PKD1: variants seen among roughly 807,000 people sequenced by gnomAD.
PKD1 encodes the protein polycystin-1.
A neutral mutation model predicts 361.7 loss-of-function variants in PKD1; 81 were observed. That is an observed-to-expected ratio of 0.22 (90% confidence interval 0.19 to 0.27). The LOEUF is 0.27. Ranked by LOEUF, PKD1 falls within the 10% of genes least tolerant of loss-of-function variation. The pLI, the probability that PKD1 is intolerant of heterozygous loss-of-function variation, is 1.00. For synonymous variants in PKD1, 3,615 were observed against 2,818.3 expected (o/e 1.28, Z -8.95); for missense variants, 6,399 against 6,118.3 (o/e 1.05, Z -1.53).
Position 2,097,756 on chromosome 16 carries a change from T to C in PKD1, c.10192A>G (p.Ser3398Gly). The stretch of plus-strand genomic sequence containing the variant: ...TTAGAATCATCCAGAAACAAGTCAC[T>C]CTTCATCTGTCCAACAAAGGCCTGC... ...AEQAFVGQMKSDLFLDDSKSL... is the reference protein window; with the variant it reads ...AEQAFVGQMKGDLFLDDSKSL... Residue 3398 changes from serine (S) to glycine (G), a missense_variant, in exon 32 of 46, where the codon AGT becomes GGT. Ser to Gly is a moderately conservative substitution (Grantham distance 56, BLOSUM62 0). Transcript: ENST00000262304. 6.2e-7 allele frequency: 1 copy of C among 1,611,302 alleles called. No individual in the cohort carries two copies. The highest frequency in any genetic ancestry group is 1.7e-5 in the Admixed American group (1 of 60,018).
intron 21 of PKD1, 23 bp downstream of exon 21, chr16:2,105,299 G>A (rs750135054): frequency 2.5e-6 from 4 of 1,593,276 alleles, no homozygotes; most frequent in South Asian, 1.1e-5. Context: ...GCGGGGCAGG[G>A]TGAGCAGGTG....
Position 2,117,773 on chromosome 16 carries a change from T to TG in PKD1, c.1201+17dup. The TG allele has an allele frequency of 9.4e-7, 1 of 1,058,432 alleles. No individual in the cohort carries two copies. Among genetic ancestry groups the TG allele is most frequent in the East Asian group, 2.6e-5 (1 of 38,482 alleles). 65.6% of individuals were successfully genotyped at this position (1,058,432 alleles called of 1,614,324 possible). A position where few individuals can be genotyped will look rare whatever the true frequency, so the allele number is the denominator to read the frequency against. ...GGATGGCCCTGGGGAGGAAGGGGAGTGGGCAGCAGACACTCACCTCGGGCC... is the reference window on the plus strand; with the variant it reads ...GGATGGCCCTGGGGAGGAAGGGGAGTGGGGCAGCAGACACTCACCTCGGGCC... On this transcript the variant is annotated intron_variant, in intron 5 of 45. Coordinates refer to ENST00000262304, the MANE Select transcript of PKD1 (RefSeq NM_001009944.3).
At chr16:2,101,604 T>TGA (rs1358088991) in intron 26 of PKD1, among the ~76,000 whole-genome samples, 4 of 151,954 alleles carry the variant, frequency 2.6e-5, no homozygotes, top group Non-Finnish European at 4.4e-5. Flanking sequence ...GGCAACAGAG[T>TGA]GAGACTCCGT....
chr16:2,099,743 C>T lies in PKD1; in HGVS notation c.9951G>A (p.Pro3317=), dbSNP rs1244281538. The part of the protein sequence containing the change: ...YSTGHVSRLS[P]LSVDTVAVGL... The stretch of plus-strand genomic sequence containing the variant: ...CAACAGCGACTGTGTCGACGCTCAG[C>T]GGGCTCAGCCTGGACACATGCCCCG... Residue 3317 remains proline, a synonymous_variant, in exon 30 of 46, where the codon CCG becomes CCA. Transcript: ENST00000262304. 6 of 1,559,022 alleles carry T rather than the reference C, an allele frequency of 3.8e-6. No individual in the cohort carries two copies. The highest frequency in any genetic ancestry group is 3.5e-5 in the South Asian group (3 of 85,756).
At position 2,091,378 on chromosome 16, in the gene PKD1, A is replaced by T. The variant is rs1808329461; in HGVS notation, c.11712+45T>A. On this transcript the variant is annotated intron_variant, in intron 42 of 45. Coordinates refer to ENST00000262304, the MANE Select transcript of PKD1 (RefSeq NM_001009944.3). ...GGGCGGGGCCCCGCGAGGGGGCGGG[A>T]CGCTGCCGGTGGGAGGCGCGGGGTC... 15 of 1,046,144 alleles carry T rather than the reference A, an allele frequency of 1.4e-5. 1 individual carries two copies. Among genetic ancestry groups the T allele is most frequent in the Non-Finnish European group, 1.6e-5 (14 of 862,352 alleles). 64.8% of individuals were successfully genotyped at this position (1,046,144 alleles called of 1,614,324 possible).
intron 30 of PKD1, chr16:2,099,284 G>A: frequency 2.7e-6 from 1 of 365,372 alleles, no homozygotes. Flanking sequence ...CGTTTCTAAG[G>A]GACTAACTCA....
chr16:2,091,648 G>T, intron 41 of PKD1, 51 bp from the exon 42 acceptor site: 1 of 1,555,348 alleles, frequency 6.4e-7, no homozygotes, highest in Non-Finnish European at 8.6e-7. Flanking sequence ...CGGGAGCTGC[G>T]GGGACCGCGC....
chr16:2,097,324 G>A lies in PKD1; in HGVS notation c.10400C>T (p.Ala3467Val), dbSNP rs144590217. 2.1e-4 allele frequency: 346 copies of A among 1,612,904 alleles called. No homozygotes were observed. The African/African-American group carries it at 4.1e-3, about 19-fold the overall frequency. ...CTCCTCTCACCCCAGCTCACCTGAT[G>A]CTGAGAAGGATTTGGCAGGCGAGTA... is the stretch of plus-strand genomic sequence containing the variant. The part of the protein sequence containing the change: ...SPYSPAKSFS[A>V]SDEDLIQQVL... The change falls in exon 33 of 46, where the codon GCA (alanine) becomes GTA (valine). Residue 3467 changes from alanine to valine, a missense_variant. Coordinates refer to ENST00000262304, the MANE Select transcript of PKD1 (RefSeq NM_001009944.3).
chr16:2,100,853 C>T lies in PKD1; in HGVS notation c.9398-287G>A. ...ACACCACAACCAGTGACCCGCACTGCACACCTGTCCACGCCTCAGTCATGC... is the reference window on the plus strand; with the variant it reads ...ACACCACAACCAGTGACCCGCACTGTACACCTGTCCACGCCTCAGTCATGC... On this transcript the variant is annotated intron_variant, in intron 26 of 45. Coordinates refer to ENST00000262304, the MANE Select transcript of PKD1 (RefSeq NM_001009944.3). The surrounding 1 kb of genome is among the most constrained non-coding windows in gnomAD (Gnocchi z 4.4). 2.0e-6 allele frequency: 1 copy of T among 503,992 alleles called. No homozygotes were observed. Among genetic ancestry groups the T allele is most frequent in the Non-Finnish European group, 3.6e-6 (1 of 275,040 alleles). The allele number at this position is 503,992 out of a possible 1,614,324, so 31.2% of individuals were successfully genotyped here.
In PKD1 at chr16:2,117,554, G is replaced by A. The variant is rs747591684; in HGVS notation, c.1320C>T (p.Ala440=). 33 of 1,602,438 alleles carry A rather than the reference G, an allele frequency of 2.1e-5. No homozygotes were observed. Among genetic ancestry groups the A allele is most frequent in the South Asian group, 8.9e-5 (8 of 89,846 alleles). ...TGTCCACCATTGCCAGGGCGGCCCC[G>A]GCCCAGGCCTGACACTGCTCCTGCG... ...LQAQEQCQAW[A]GAALAMVDSP... is the part of the protein sequence containing the mutation. The change falls in exon 6 of 46, where the codon GCC becomes GCT. Residue 440 remains alanine, a synonymous_variant. Transcript: ENST00000262304.
chr16:2,123,322 T>C (rs865779226), intron 1 of PKD1: 4 of 336,272 alleles, frequency 1.2e-5, no homozygotes, highest in Middle Eastern at 9.8e-4. Context: ...CCAGGTGCAG[T>C]CCCCCAGCCC....
rs2092436915 is a variant in PKD1 at position 2,109,147 on chromosome 16, T to A, written c.6020A>T (p.Tyr2007Phe). 5 of 1,602,126 alleles carry A rather than the reference T, an allele frequency of 3.1e-6. No homozygotes were observed. The highest frequency in any genetic ancestry group is 3.3e-5 in the Admixed American group (2 of 59,842). ...GCCCTGGACCTTCTGCAGCGAGAAG[T>A]ACCAGGCGTAGGCGACCCGAGAGCC... ...QRGSRVAYAWYFSLQKVQGDS... is the reference protein window; with the variant it reads ...QRGSRVAYAWFFSLQKVQGDS... The change falls in exon 15 of 46, where the codon TAC becomes TTC. Residue 2007 changes from tyrosine to phenylalanine, a missense_variant. Physicochemically the swap from Tyr to Phe is conservative, Grantham distance 22. Coordinates refer to ENST00000262304, the MANE Select transcript of PKD1 (RefSeq NM_001009944.3).
chr16:2,129,768 G>A (rs1175327341), intron 1 of PKD1, among the ~76,000 whole-genome samples: 6 of 151,376 alleles, frequency 4.0e-5, no homozygotes, highest in Admixed American at 3.9e-4. Context: ...CCAGGCTGGT[G>A]TCAAACTCCT....
chr16:2,126,109 T>C (rs548080286), intron 1 of PKD1, among the ~76,000 whole-genome samples: 1 of 152,058 alleles, frequency 6.6e-6, no homozygotes, highest in African/African-American at 2.4e-5. Context: ...CGGAATCCCA[T>C]CACCCACTCG....
rs773100218 is a variant in PKD1 at position 2,097,390 on chromosome 16, C to A, written c.10334G>T (p.Gly3445Val). The change falls in exon 33 of 46, where the codon GGG becomes GTG. Residue 3445 changes from glycine (G) to valine (V), a missense_variant. Coordinates refer to ENST00000262304, the MANE Select transcript of PKD1 (RefSeq NM_001009944.3). ...RQLARGQAGH[G>V]LGPEEDGFSL... ...GAAGCCGTCCTCCTCTGGGCCCAGC[C>A]CATGGCCCGCCTGGCCCCGTGCCAG... 1 of 1,611,050 alleles carries A rather than the reference C, an allele frequency of 6.2e-7. No individual in the cohort carries two copies. The highest frequency in any genetic ancestry group is 1.1e-5 in the South Asian group (1 of 91,070).
At chr16:2,127,363 G>C (rs573906308) in intron 1 of PKD1, among the ~76,000 whole-genome samples, 122 of 152,324 alleles carry the variant, frequency 8.0e-4, no homozygotes, top group African/African-American at 2.7e-3. Flanking sequence ...CCCAGATGTA[G>C]GCACAAGCAG....
chr16:2,109,400 C>A lies in PKD1; in HGVS notation c.5767G>T (p.Val1923Phe). Residue 1923 changes from valine (V) to phenylalanine (F), a missense_variant, in exon 15 of 46, where the codon GTC becomes TTC. Coordinates refer to ENST00000262304, the MANE Select transcript of PKD1 (RefSeq NM_001009944.3). ...AGSAVTFRLQ[V>F]GGANPEVLPG... ...AGCACCTCGGGGTTGGCCCCGCCGA[C>A]CTGCAGGCGGAAGGTGACAGCTGAG... The A allele has an allele frequency of 6.3e-7, 1 of 1,599,588 alleles. No homozygotes were observed. The highest frequency in any genetic ancestry group is 8.5e-7 in the Non-Finnish European group (1 of 1,178,018).
At position 2,109,294 on chromosome 16, in the gene PKD1, C is replaced by A. The variant is rs751817189; in HGVS notation, c.5873G>T (p.Trp1958Leu). Reference sequence around the variant, plus strand: ...CACGATGCGCACCTGCGCCTGGGCCCAGCTCACGTGGTTTTTGCCCCGCAC... The same window carrying A: ...CACGATGCGCACCTGCGCCTGGGCCAAGCTCACGTGGTTTTTGCCCCGCAC... ...VSVRGKNHVS[W>L]AQAQVRIVVL... Residue 1958 changes from tryptophan (W) to leucine (L), a missense_variant, in exon 15 of 46, where the codon TGG (tryptophan) becomes TTG (leucine). Physicochemically the swap from Trp to Leu is moderately conservative, Grantham distance 61. Coordinates refer to ENST00000262304, the MANE Select transcript of PKD1 (RefSeq NM_001009944.3). The A allele has an allele frequency of 6.9e-6, 11 of 1,584,630 alleles. No individual in the cohort carries two copies. In the South Asian group the frequency reaches 1.0e-4, roughly 14 times the overall value.
chr16:2,123,491 T>C (rs1782174184), intron 1 of PKD1: 1 of 456,268 alleles, frequency 2.2e-6, no homozygotes, highest in Non-Finnish European at 4.4e-6. Context: ...CTTTTTCACG[T>C]CTCCATCTGC....
Sources: allele counts gnomAD v4.1 joint callset (sites outside exome capture counted in the v4.1 genomes callset), GRCh38; gene constraint gnomAD v4.1.1; non-coding constraint Gnocchi (gnomAD v3.1); transcripts MANE v1.5; gene names NCBI Gene and HGNC (gene_info 2026-07-23, HGNC 2026-07-21).